Variants in UGGT2 observed in about 807,000 individuals in gnomAD.
UGGT2 encodes UDP-glucose glycoprotein glucosyltransferase 2.
A neutral mutation model predicts 192.1 loss-of-function variants in UGGT2; 180 were observed. The observed-to-expected ratio is 0.94, with a 90% CI of 0.83 to 1.06. The LOEUF (loss-of-function observed/expected upper bound fraction) is 1.06, where lower values mean the gene tolerates loss of function less well. Among genes scored for constraint, UGGT2 ranks in the 50% least tolerant of loss-of-function variants. The pLI is 0.00. For missense variants in UGGT2, 1,849 were observed against 1,795.7 expected, an observed-to-expected ratio of 1.03 and a Z score of -0.54; for synonymous variants, 580 against 591.0, an observed-to-expected ratio of 0.98 and a Z score of 0.27.
chr13:95,964,061 C>T (rs2050488583), intron 12 of UGGT2, among the ~76,000 whole-genome samples: 4 of 152,136 alleles, frequency 2.6e-5, no homozygotes, highest in Admixed American at 2.6e-4. Flanking sequence ...ATCACACCAC[C>T]TGATTTGAAA....
chr13:96,023,363 T>C (rs1014608185), intron 3 of UGGT2, among the ~76,000 whole-genome samples: 3 of 152,142 alleles, frequency 2.0e-5, no homozygotes, highest in Non-Finnish European at 4.4e-5. Flanking sequence ...TTCATAGTTA[T>C]TGAAAAAATT....
rs1566709231 is a variant in UGGT2, at chr13:95,927,466, CTTTCTTT to C, written c.1978-137_1978-131del. The C allele has an allele frequency of 8.9e-3, 5,207 of 586,974 alleles. 15 individuals are homozygous for C. Among genetic ancestry groups the C allele is most frequent in the Non-Finnish European group, 9.8e-3 (3,802 of 387,218 alleles). The allele number at this position is 586,974 out of a possible 1,614,324, so 36.4% of individuals were successfully genotyped here. ...ATTTAGAATTATTACAATACATTTT[CTTTCTTT>C]TTTTTTTTTTTTTTTATTCTTCAGT... On this transcript the variant is annotated intron_variant, in intron 17 of 38. Transcript: ENST00000376747.
chr13:95,811,978 A>C (rs959052228), intron 38 of UGGT2, among the ~76,000 whole-genome samples: 1 of 152,202 alleles, frequency 6.6e-6, no homozygotes, highest in African/African-American at 2.4e-5. Flanking sequence ...CAAACAGAAA[A>C]ATAGGAAATG....
rs557798798 is a variant in UGGT2 at position 95,821,380 on chromosome 13, C to T, written c.4528+11547G>A. ...TTTTCATGTTTGTTGGCCATTTGTG[C>T]GTCTTCTTTTGACAAATTTCTATTC... On this transcript the variant is annotated intron_variant, in intron 38 of 38. Coordinates refer to ENST00000376747, the MANE Select transcript of UGGT2 (RefSeq NM_020121.4). 7.9e-5 allele frequency among the ~76,000 whole-genome samples: 12 copies of T among 152,112 alleles called. 1 individual carries two copies. Among genetic ancestry groups the T allele is most frequent in the Admixed American group, 5.2e-4 (8 of 15,266 alleles).
At chr13:95,940,218 C>G (rs1369279603) in intron 15 of UGGT2, 127 bp from the exon 16 acceptor site, 1 of 545,858 alleles carries the variant, frequency 1.8e-6, no homozygotes, top group Non-Finnish European at 2.8e-6. Flanking sequence ...TACACACATA[C>G]CACATAAAAA....
intron 15 of UGGT2, among the ~76,000 whole-genome samples, chr13:95,941,621 T>C (rs1467920589): frequency 6.6e-6 from 1 of 152,178 alleles, no homozygotes; most frequent in Non-Finnish European, 1.5e-5. Context: ...CCTGAAAATA[T>C]TAGATACTCA....
At position 95,902,885 on chromosome 13, in the gene UGGT2, G is replaced by C; in HGVS notation, c.2471C>G (p.Ser824Cys). The change falls in exon 21 of 39, where the codon TCT becomes TGT. Residue 824 changes from serine to cysteine, a missense_variant. By Grantham distance (112) the Ser-to-Cys change is moderately radical (BLOSUM62 -1). Coordinates refer to ENST00000376747, the MANE Select transcript of UGGT2 (RefSeq NM_020121.4). The stretch of plus-strand genomic sequence containing the variant: ...AAGGAATGTTTTAATTTTATCTCCA[G>C]AGTAAATAGCTGTAGCAATTTCTTC... ...AKEEIATAIY[S>C]GDKIKTFLIE... The C allele has an allele frequency of 1.2e-6, 2 of 1,613,258 alleles. No homozygotes were observed. The highest frequency in any genetic ancestry group is 1.7e-6 in the Non-Finnish European group (2 of 1,179,538).
chr13:95,955,615 G>C (rs72636570), intron 12 of UGGT2, among the ~76,000 whole-genome samples: 1 of 151,622 alleles, frequency 6.6e-6, no homozygotes, highest in African/African-American at 2.4e-5. Context: ...CACAAGACAC[G>C]GCCAGGAGAA....
intron 38 of UGGT2, among the ~76,000 whole-genome samples, chr13:95,817,172 T>C (rs180955344): frequency 6.6e-6 from 1 of 152,298 alleles, no homozygotes; most frequent in Admixed American, 6.5e-5. Context: ...GTGAATCTTA[T>C]ACCTCAGTAA....
chr13:95,909,302 C>A (rs779895325), intron 20 of UGGT2, among the ~76,000 whole-genome samples: 3 of 151,924 alleles, frequency 2.0e-5, no homozygotes, highest in African/African-American at 7.3e-5. Flanking sequence ...CACACGCACA[C>A]GTATGTTTAT....
chr13:95,913,016 G>T (rs986740080), intron 20 of UGGT2, among the ~76,000 whole-genome samples: 2 of 152,176 alleles, frequency 1.3e-5, no homozygotes, highest in African/African-American at 2.4e-5. Flanking sequence ...AAATGGTGCT[G>T]GGAAAACTGG....
chr13:95,921,299 C>T (rs1275259749), intron 20 of UGGT2, among the ~76,000 whole-genome samples: 1 of 146,986 alleles, frequency 6.8e-6, no homozygotes, highest in African/African-American at 2.5e-5. Flanking sequence ...CCATAGCATA[C>T]GTTTATCTGT....
At chr13:95,929,301 GCTTTT>G (rs2049159179) in intron 17 of UGGT2, among the ~76,000 whole-genome samples, 1 of 152,166 alleles carries the variant, frequency 6.6e-6, no homozygotes, top group African/African-American at 2.4e-5. Flanking sequence ...AAGAATTTCA[GCTTTT>G]ATTTTAGATT....
chr13:95,811,425 C>T (rs895149264), intron 38 of UGGT2, among the ~76,000 whole-genome samples: 3 of 152,102 alleles, frequency 2.0e-5, no homozygotes, highest in Admixed American at 6.6e-5. Flanking sequence ...GAAGTAGATT[C>T]GTAGTACTTT....
intron 27 of UGGT2, among the ~76,000 whole-genome samples, chr13:95,878,627 TAAATC>T (rs1315783244): frequency 6.6e-6 from 1 of 152,312 alleles, no homozygotes; most frequent in East Asian, 1.9e-4. Flanking sequence ...AACATGAAAA[TAAATC>T]AAACAGTGAT....
chr13:95,861,371 C>G (rs1220303574), intron 31 of UGGT2, among the ~76,000 whole-genome samples: 1 of 152,044 alleles, frequency 6.6e-6, no homozygotes, highest in Admixed American at 6.6e-5. Flanking sequence ...GCTCCTCTGA[C>G]CAAGCAGATT....
intron 8 of UGGT2, among the ~76,000 whole-genome samples, chr13:95,986,713 A>T (rs1474838116): frequency 6.6e-6 from 1 of 152,106 alleles, no homozygotes; most frequent in African/African-American, 2.4e-5. Flanking sequence ...GCTCTCGCAA[A>T]GCTTTTTCTA....
intron 20 of UGGT2, among the ~76,000 whole-genome samples, chr13:95,924,393 C>CTTTGTTTTTTT (rs2048948433): frequency 1.6e-5 from 1 of 63,320 alleles, no homozygotes. Context: ...TCCCAAACAG[C>CTTTGTTTTTTT]TTTTTTTTTT....
chr13:95,893,749 T>C (rs992234604), intron 24 of UGGT2, among the ~76,000 whole-genome samples: 1 of 131,582 alleles, frequency 7.6e-6, no homozygotes, highest in African/African-American at 2.6e-5. Flanking sequence ...GAATCTTCAG[T>C]AGTATTTTTT....
Sources: gnomAD v4.1 joint callset for allele counts (sites outside exome capture counted in the v4.1 genomes callset) on GRCh38, gnomAD v4.1.1 for gene constraint, MANE v1.5 for transcripts, NCBI Gene and HGNC (gene_info 2026-07-23, HGNC 2026-07-21) for gene names.